Variants in TMEM126B observed in about 807,000 individuals in gnomAD.
TMEM126B encodes the protein transmembrane protein 126B, also known as complex I assembly factor TMEM126B, mitochondrial.
Under a neutral mutation model 16.5 loss-of-function variants are expected in TMEM126B, and 19 were observed. That is an observed-to-expected ratio of 1.15 (90% CI 0.80 to 1.69). TMEM126B has a LOEUF of 1.69. Among genes scored for constraint, TMEM126B ranks in the 40% most tolerant of loss-of-function variants. The pLI is 0.00. For synonymous variants in TMEM126B, 104 were observed against 93.2 expected (o/e 1.12, Z -0.67); for missense variants, 293 against 278.7 (o/e 1.05, Z -0.37).
rs770645572 is a variant in TMEM126B, at chr11:85,634,143, A to T, written c.261A>T (p.Ile87=). The T allele has an allele frequency of 6.2e-7, 1 of 1,613,822 alleles. No individual in the cohort carries two copies. The highest frequency in any genetic ancestry group is 1.1e-5 in the South Asian group (1 of 91,064). ...GAACAACAGCTGGTTTCTCTGGAAT[A>T]TTCTCAAACTTCCTGTTCAGACGCT... The part of the protein sequence containing the change: ...TFGTTAGFSG[I]FSNFLFRRCF... Residue 87 remains isoleucine, a synonymous_variant, in exon 3 of 5, where the codon ATA becomes ATT. Transcript: ENST00000358867.
At chr11:85,635,603 G>T in intron 3 of TMEM126B, 64 bp from the exon 4 acceptor site, 3 of 1,101,062 alleles carry the variant, frequency 2.7e-6, no homozygotes, top group South Asian at 2.7e-5. Context: ...ACTCTGTGAG[G>T]TACAACACTG....
At chr11:85,631,835 C>G (rs1302524296) in intron 2 of TMEM126B, 27 bp downstream of exon 2, 7 of 1,585,496 alleles carry the variant, frequency 4.4e-6, no homozygotes, top group Non-Finnish European at 6.0e-6. Flanking sequence ...GGCTGAAAAT[C>G]AGTCATTTTA....
Position 85,630,239 on chromosome 11 carries a change from C to G in TMEM126B, c.82-1448C>G, listed in dbSNP as rs564111342. On this transcript the variant is annotated intron_variant, in intron 1 of 4. Transcript: ENST00000358867. ...TGAGACTGCATTTCAAATAAATACC[C>G]CATGTGATTCTTGTGCATGCTGAAG... Among the ~76,000 whole-genome samples the G allele has an allele frequency of 1.8e-4, 28 of 152,254 alleles. No individual in the cohort carries two copies. In the East Asian group the frequency reaches 2.5e-3, roughly 14 times the overall value.
chr11:85,631,946 AT>A (rs1174128732), intron 2 of TMEM126B, 138 bp downstream of exon 2: 1 of 795,510 alleles, frequency 1.3e-6, no homozygotes, highest in African/African-American at 1.8e-5. Flanking sequence ...TGAAGAACAC[AT>A]CTTTAAAAAA....
At chr11:85,632,120 G>GCAA (rs1038830328) in intron 2 of TMEM126B, among the ~76,000 whole-genome samples, 1 of 152,084 alleles carries the variant, frequency 6.6e-6, no homozygotes, top group Non-Finnish European at 1.5e-5. Flanking sequence ...ACCATTGAGG[G>GCAA]GGGTACTTAT....
At position 85,635,424 on chromosome 11, in the gene TMEM126B, T is replaced by TA. The variant is rs145848537; in HGVS notation, c.398-239dup. Among the ~76,000 whole-genome samples the TA allele has an allele frequency of 0.048, 7,382 of 152,224 alleles. 571 individuals are homozygous for TA. The highest frequency in any genetic ancestry group is 0.17 in the African/African-American group (7,007 of 41,498). On this transcript the variant is annotated intron_variant, in intron 3 of 4. Coordinates refer to ENST00000358867, the MANE Select transcript of TMEM126B (RefSeq NM_018480.7). ...GAGACTCCGTCTCCAAAAAATAAAATAAAATTGCTTCTACAACAACCACAT... is the reference window on the plus strand; with the variant it reads ...GAGACTCCGTCTCCAAAAAATAAAATAAAAATTGCTTCTACAACAACCACAT...
chr11:85,628,813 G>A lies in TMEM126B; in HGVS notation c.81+125G>A, dbSNP rs1250945077. The A allele has an allele frequency of 3.1e-6, 3 of 953,894 alleles. No individual in the cohort carries two copies. In the African/African-American group the frequency reaches 4.9e-5, roughly 16 times the overall value. The allele number at this position is 953,894 out of a possible 1,614,324, so 59.1% of individuals were successfully genotyped here. ...TAAAACAGCTCCCAAGTCCATGCAA[G>A]GAGCAGTCGATTAAGTCTCCAGTTG... On this transcript the variant is annotated intron_variant, in intron 1 of 4. Coordinates refer to ENST00000358867, the MANE Select transcript of TMEM126B (RefSeq NM_018480.7).
At position 85,634,232 on chromosome 11, in the gene TMEM126B, C is replaced by G; in HGVS notation, c.350C>G (p.Ser117Cys). ...TCATTGGCTACACTTCCATTTTTGT[C>G]TACTGTTGTTACTGACAAGCTTTTT... is the stretch of plus-strand genomic sequence containing the variant. ...YASLATLPFL[S>C]TVVTDKLFVI... The change falls in exon 3 of 5, where the codon TCT (serine) becomes TGT (cysteine). Residue 117 changes from serine to cysteine, a missense_variant. Ser to Cys is a moderately radical substitution (Grantham distance 112). Transcript: ENST00000358867. 6.2e-7 allele frequency: 1 copy of G among 1,613,616 alleles called. No homozygotes were observed. Among genetic ancestry groups the G allele is most frequent in the Non-Finnish European group, 8.5e-7 (1 of 1,179,852 alleles).
At chr11:85,636,012 C>A in intron 4 of TMEM126B, 34 bp from the exon 5 acceptor site, 1 of 1,526,264 alleles carries the variant, frequency 6.6e-7, no homozygotes, top group Non-Finnish European at 8.7e-7. Context: ...GCATTCATAT[C>A]CAGGAGAGGT....
At chr11:85,632,124 T>C (rs1474715016) in intron 2 of TMEM126B, among the ~76,000 whole-genome samples, 2 of 152,142 alleles carry the variant, frequency 1.3e-5, no homozygotes, top group African/African-American at 2.4e-5. Flanking sequence ...TTGAGGGGGG[T>C]ACTTATATTT....
At chr11:85,632,702 G>C (rs868831730) in intron 2 of TMEM126B, among the ~76,000 whole-genome samples, 2 of 151,894 alleles carry the variant, frequency 1.3e-5, no homozygotes, top group African/African-American at 4.8e-5. Context: ...AGTTATATGA[G>C]TTTTAGCAAA....
chr11:85,633,762 T>C (rs2082348496), intron 2 of TMEM126B, among the ~76,000 whole-genome samples: 1 of 152,210 alleles, frequency 6.6e-6, no homozygotes, highest in Non-Finnish European at 1.5e-5. Flanking sequence ...GGGTAGCTCA[T>C]AAAATTTGGC....
At chr11:85,629,676 A>G (rs973239472) in intron 1 of TMEM126B, among the ~76,000 whole-genome samples, 1 of 152,178 alleles carries the variant, frequency 6.6e-6, no homozygotes, top group East Asian at 1.9e-4. Context: ...CAAAACAAAA[A>G]TTTATCTATG....
At chr11:85,631,333 C>T (rs770795128) in intron 1 of TMEM126B, 2 of 1,200,208 alleles carry the variant, frequency 1.7e-6, no homozygotes, top group South Asian at 1.5e-5. Context: ...TAGCCTTCTA[C>T]ACTAAATCTC....
intron 1 of TMEM126B, chr11:85,631,056 C>T: frequency 1.0e-6 from 1 of 998,540 alleles, no homozygotes; most frequent in East Asian, 6.1e-5. Flanking sequence ...AATCCACTGC[C>T]TGTTCCCTTC....
Position 85,636,150 on chromosome 11 carries a change from TTA to T in TMEM126B, c.616_617del (p.Met206ValfsTer14). ...ATGGCGATTCCTCTAGTCTTTCAGA[TTA>T]TGTTTGGAATATTAAATGGTCTATA... is the stretch of plus-strand genomic sequence containing the variant. On this transcript the variant is annotated frameshift_variant, in exon 5 of 5. Transcript: ENST00000358867. LOFTEE classifies it low-confidence loss of function (END_TRUNC). The T allele has an allele frequency of 6.2e-7, 1 of 1,612,364 alleles. No homozygotes were observed. The highest frequency in any genetic ancestry group is 1.1e-5 in the South Asian group (1 of 90,704).
rs751482212 is a variant in TMEM126B at position 85,636,090 on chromosome 11, AT to A, written c.556del (p.Trp186GlyfsTer2). The A allele has an allele frequency of 1.9e-6, 3 of 1,608,800 alleles. No homozygotes were observed. The South Asian group carries it at 3.3e-5, about 18-fold the overall frequency. Reference sequence around the variant, plus strand: ...CCACCAAAAGGAAGGGTTTTAATCCATTGGATGACGCTTTGTCAAACACAAA... The same window carrying A: ...CCACCAAAAGGAAGGGTTTTAATCCATGGATGACGCTTTGTCAAACACAAA... ...PLPPKGRVLI[H>X]WMTLCQTQMK... On this transcript the variant is annotated frameshift_variant, in exon 5 of 5. Transcript: ENST00000358867. LOFTEE classifies it low-confidence loss of function (END_TRUNC).
chr11:85,636,008 A>ATATCCAGGAGAGGTGAT (rs2082396463), intron 4 of TMEM126B, 38 bp from the exon 5 acceptor site: 1 of 1,521,112 alleles, frequency 6.6e-7, no homozygotes, highest in Admixed American at 2.3e-5. Context: ...AATAGCATTC[A>ATATCCAGGAGAGGTGAT]TATCCAGGAG....
intron 2 of TMEM126B, among the ~76,000 whole-genome samples, chr11:85,632,291 T>C (rs2082315741): frequency 6.6e-6 from 1 of 152,162 alleles, no homozygotes. Flanking sequence ...TCACCCAGGC[T>C]GGAGTGCAGT....
Sources: allele counts gnomAD v4.1 joint callset (sites outside exome capture counted in the v4.1 genomes callset), GRCh38; gene constraint gnomAD v4.1.1; transcripts MANE v1.5; gene names NCBI Gene and HGNC (gene_info 2026-07-23, HGNC 2026-07-21).